BOP1: variants seen among roughly 807,000 people sequenced by gnomAD.
The protein encoded by BOP1 is ribosome biogenesis protein BOP1.
BOP1 carries 54 observed loss-of-function variants against 82.9 expected under a neutral mutation model. The ratio of observed to expected loss-of-function variants is 0.65; its 90% CI spans 0.52 to 0.82. The LOEUF (loss-of-function observed/expected upper bound fraction) is 0.82. BOP1 is among the 40% of genes least tolerant of loss of function. The pLI, the probability that BOP1 is intolerant of heterozygous loss-of-function variation, is 0.00. For synonymous variants in BOP1, 566 were observed against 451.1 expected (o/e 1.25, Z -3.23); for missense variants, 1,170 against 1,072.0 (o/e 1.09, Z -1.28).
chr8:144,270,946 G>A (rs899275781), intron 3 of BOP1, among the ~76,000 whole-genome samples: 1 of 152,236 alleles, frequency 6.6e-6, no homozygotes, highest in African/African-American at 2.4e-5. Flanking sequence ...CCCCGGCCTG[G>A]GGAACGAGCT....
In BOP1 at chr8:144,264,512, C is replaced by G; in HGVS notation, c.765+3G>C. ...GCCAAGCCCCAGGGGCTGTGTGCCC[C>G]ACCTTCTCCTTCTCCACCAGGGAGG... is the stretch of plus-strand genomic sequence containing the variant. On this transcript the variant is annotated splice_donor_region_variant and intron_variant, in intron 6 of 15. Coordinates refer to ENST00000569669, the MANE Select transcript of BOP1 (RefSeq NM_015201.5). The G allele has an allele frequency of 6.2e-7, 1 of 1,609,684 alleles. No homozygotes were observed. The highest frequency in any genetic ancestry group is 1.3e-5 in the African/African-American group (1 of 74,988).
intron 3 of BOP1, among the ~76,000 whole-genome samples, chr8:144,274,157 C>T (rs1007811099): frequency 6.6e-5 from 10 of 152,228 alleles, no homozygotes; most frequent in South Asian, 4.1e-4. Flanking sequence ...GCCACCCACG[C>T]GCTCCAGCTG....
intron 3 of BOP1, among the ~76,000 whole-genome samples, chr8:144,273,960 A>C (rs926571827): frequency 3.9e-5 from 6 of 152,000 alleles, no homozygotes; most frequent in Admixed American, 1.3e-4. Context: ...TCAGGTCTTC[A>C]AAAGTCAGCG....
intron 2 of BOP1, among the ~76,000 whole-genome samples, chr8:144,280,365 C>T (rs1845648737): frequency 6.6e-6 from 1 of 152,254 alleles, no homozygotes; most frequent in African/African-American, 2.4e-5. Context: ...GCTGCAGCTC[C>T]AGACCACTCT....
At chr8:144,267,205 A>AG (rs1183281931) in intron 3 of BOP1, 21 of 1,490,234 alleles carry the variant, frequency 1.4e-5, no homozygotes, top group Middle Eastern at 3.9e-4. Context: ...TGGGGCGCCG[A>AG]GGGGGGCCTC....
intron 3 of BOP1, among the ~76,000 whole-genome samples, chr8:144,273,371 C>G (rs1417144300): frequency 1.3e-5 from 1 of 79,540 alleles, no homozygotes; most frequent in Non-Finnish European, 2.8e-5. Context: ...CCAGGCTGCA[C>G]CCCAGCCCCA....
chr8:144,268,482 T>C (rs1323218862), intron 3 of BOP1: 1 of 432,888 alleles, frequency 2.3e-6, no homozygotes, highest in Non-Finnish European at 4.1e-6. Flanking sequence ...ATCTTCCAAA[T>C]ATGGAGGCCA....
In BOP1 at chr8:144,264,150, G is replaced by T; in HGVS notation, c.979-8C>A. 4 of 1,610,798 alleles carry T rather than the reference G, an allele frequency of 2.5e-6. No homozygotes were observed. Among genetic ancestry groups the T allele is most frequent in the Non-Finnish European group, 3.4e-6 (4 of 1,179,362 alleles). On this transcript the variant is annotated splice_region_variant and splice_polypyrimidine_tract_variant and intron_variant, in intron 7 of 15. Coordinates refer to ENST00000569669, the MANE Select transcript of BOP1 (RefSeq NM_015201.5). The stretch of plus-strand genomic sequence containing the variant: ...CTGTTCCCACGCCAAGCGCTGTGGA[G>T]ACCAAGACACAGGGGTGGGGAGGGT...
In BOP1 at chr8:144,264,153, C is replaced by T; in HGVS notation, c.979-11G>A. 1 of 1,610,664 alleles carries T rather than the reference C, an allele frequency of 6.2e-7. No individual in the cohort carries two copies. Among genetic ancestry groups the T allele is most frequent in the Non-Finnish European group, 8.5e-7 (1 of 1,179,298 alleles). On this transcript the variant is annotated splice_polypyrimidine_tract_variant and intron_variant, in intron 7 of 15. Transcript: ENST00000569669. Reference sequence around the variant, plus strand: ...TTCCCACGCCAAGCGCTGTGGAGACCAAGACACAGGGGTGGGGAGGGTCAC... The same window carrying T: ...TTCCCACGCCAAGCGCTGTGGAGACTAAGACACAGGGGTGGGGAGGGTCAC...
chr8:144,277,323 C>T (rs1164910713), intron 2 of BOP1, among the ~76,000 whole-genome samples: 6 of 152,226 alleles, frequency 3.9e-5, no homozygotes, highest in Non-Finnish European at 5.9e-5. Flanking sequence ...TGGCCTGGGG[C>T]GCTCAGTGAC....
chr8:144,289,265 C>A lies in BOP1; in HGVS notation c.139G>T (p.Gly47Cys). The A allele has an allele frequency of 6.2e-7, 1 of 1,614,080 alleles. No homozygotes were observed. The highest frequency in any genetic ancestry group is 8.5e-7 in the Non-Finnish European group (1 of 1,180,012). ...CTGTCGGAGACGCCAGAATCGCTGCCGGTGCTGTGGCTGAGAGGAGAGGTG... is the reference window on the plus strand; with the variant it reads ...CTGTCGGAGACGCCAGAATCGCTGCAGGTGCTGTGGCTGAGAGGAGAGGTG... ...LCTSPLSHST[G>C]SDSGVSDSEE... The change falls in exon 2 of 16, where the codon GGC becomes TGC. Residue 47 changes from glycine (G) to cysteine (C), a missense_variant. Physicochemically the swap from Gly to Cys is radical, Grantham distance 159. Transcript: ENST00000569669.
chr8:144,290,456 G>C (rs1440339660), intron 1 of BOP1, among the ~76,000 whole-genome samples: 1 of 152,170 alleles, frequency 6.6e-6, no homozygotes, highest in Non-Finnish European at 1.5e-5. Flanking sequence ...CTTAAGGTAC[G>C]ACCTGCATGT....
At position 144,264,607 on chromosome 8, in the gene BOP1, C is replaced by A; in HGVS notation, c.673G>T (p.Asp225Tyr). 1 of 1,599,222 alleles carries A rather than the reference C, an allele frequency of 6.3e-7. No individual in the cohort carries two copies. Among genetic ancestry groups the A allele is most frequent in the Non-Finnish European group, 8.5e-7 (1 of 1,173,020 alleles). ...ATCATGACGTCCCCGCTGAAGAAGT[C>A]GACAGCCGGCTGGGGGAGAAGATGT... ...VGFNPYEPAV[D>Y]FFSGDVMIHP... Residue 225 changes from aspartate to tyrosine, a missense_variant, in exon 6 of 16, where the codon GAC (aspartate) becomes TAC (tyrosine). Physicochemically the swap from Asp to Tyr is radical, Grantham distance 160 (BLOSUM62 -3). Coordinates refer to ENST00000569669, the MANE Select transcript of BOP1 (RefSeq NM_015201.5).
chr8:144,272,559 C>T (rs1022645816), intron 3 of BOP1, among the ~76,000 whole-genome samples: 1 of 152,138 alleles, frequency 6.6e-6, no homozygotes, highest in African/African-American at 2.4e-5. Flanking sequence ...CGCTCAAGAG[C>T]CCTGTAGAGC....
chr8:144,273,175 C>A (rs995867415), intron 3 of BOP1, among the ~76,000 whole-genome samples: 1 of 152,104 alleles, frequency 6.6e-6, no homozygotes, highest in Non-Finnish European at 1.5e-5. Context: ...GGGGCGGGGG[C>A]GGCCCGGAGG....
chr8:144,262,646 C>G lies in BOP1; in HGVS notation c.1921G>C (p.Asp641His). ...AGDNVICGSY[D>H]SKLVWFDLDL... ...AGGTCAAACCACACCAGCTTGCTATCGTAGCTCCCACAGATGACGTTGTCA... is the reference window on the plus strand; with the variant it reads ...AGGTCAAACCACACCAGCTTGCTATGGTAGCTCCCACAGATGACGTTGTCA... Residue 641 changes from aspartate (D) to histidine (H), a missense_variant, in exon 14 of 16, where the codon GAT (aspartate) becomes CAT (histidine). Physicochemically the swap from Asp to His is moderately conservative, Grantham distance 81. Coordinates refer to ENST00000569669, the MANE Select transcript of BOP1 (RefSeq NM_015201.5). The G allele has an allele frequency of 1.2e-6, 2 of 1,613,374 alleles. No individual in the cohort carries two copies. The highest frequency in any genetic ancestry group is 2.2e-5 in the East Asian group (1 of 44,868).
intron 1 of BOP1, among the ~76,000 whole-genome samples, chr8:144,289,923 C>G (rs1002351169): frequency 6.6e-6 from 1 of 152,210 alleles, no homozygotes; most frequent in East Asian, 1.9e-4. Flanking sequence ...ACCGCAACCA[C>G]GCACCAACCC....
At chr8:144,289,815 T>C (rs1814983148) in intron 1 of BOP1, among the ~76,000 whole-genome samples, 1 of 152,198 alleles carries the variant, frequency 6.6e-6, no homozygotes, top group Non-Finnish European at 1.5e-5. Context: ...TTTTACCACC[T>C]GAAGCAGACG....
chr8:144,271,387 G>C (rs1000071647), intron 3 of BOP1, among the ~76,000 whole-genome samples: 2 of 151,958 alleles, frequency 1.3e-5, no homozygotes, highest in African/African-American at 2.4e-5. Context: ...TCCTCGTTCC[G>C]CCTCTCCCAC....
Sources: gnomAD v4.1 joint callset for allele counts (sites outside exome capture counted in the v4.1 genomes callset) on GRCh38, gnomAD v4.1.1 for gene constraint, MANE v1.5 for transcripts, NCBI Gene and HGNC (gene_info 2026-07-23, HGNC 2026-07-21) for gene names.